The following WRAP73 variants were observed in gnomAD, a reference collection of about 807,000 sequenced individuals.
WRAP73 encodes WD repeat-containing protein WRAP73.
Under a neutral mutation model 59.6 loss-of-function variants are expected in WRAP73, and 55 were observed. The observed-to-expected ratio is 0.92, with a 90% CI of 0.74 to 1.15. The LOEUF (loss-of-function observed/expected upper bound fraction) is 1.15. WRAP73 is among the 50% of genes most tolerant of loss of function. The pLI, the probability that WRAP73 is intolerant of heterozygous loss-of-function variation, is 0.00. For missense variants in WRAP73, 592 were observed against 608.1 expected, an observed-to-expected ratio of 0.97 and a Z score of 0.28; for synonymous variants, 265 against 258.2, an observed-to-expected ratio of 1.03 and a Z score of -0.25.
In WRAP73 at chr1:3,646,423, T is replaced by G. The variant is rs963278839; in HGVS notation, c.339+243A>C. Among the ~76,000 whole-genome samples, 3 of 152,242 alleles carry G rather than the reference T, an allele frequency of 2.0e-5. No individual in the cohort carries two copies. Among genetic ancestry groups the G allele is most frequent in the Non-Finnish European group, 4.4e-5 (3 of 68,046 alleles). On this transcript the variant is annotated intron_variant, in intron 3 of 11. Coordinates refer to ENST00000270708, the MANE Select transcript of WRAP73 (RefSeq NM_017818.4). The surrounding 1 kb of genome is among the most constrained non-coding windows in gnomAD (Gnocchi z 5.1). ...TATCCTTGTTCTATACTATGATTGT[T>G]GCTAATCTCTTACTGTATCTAATTT...
chr1:3,641,256 A>G (rs1202509198), intron 3 of WRAP73, among the ~76,000 whole-genome samples: 1 of 147,598 alleles, frequency 6.8e-6, no homozygotes. Context: ...CTGAAGACGG[A>G]AGGAACGGGC....
chr1:3,634,885 G>A, intron 8 of WRAP73, 112 bp downstream of exon 8: 2 of 1,276,126 alleles, frequency 1.6e-6, no homozygotes, highest in Non-Finnish European at 2.3e-6. Flanking sequence ...TTACGGTGAT[G>A]GAAGTGCCCG....
In WRAP73 at chr1:3,636,798, C is replaced by T. The variant is rs187178527; in HGVS notation, c.516+197G>A. On this transcript the variant is annotated intron_variant, in intron 5 of 11. Transcript: ENST00000270708. ...TTCACTTTTAAAACACCTGGGCACG[C>T]GTCCTTTTCACCAAGTCTCCTGAAC... The T allele has an allele frequency of 2.7e-5, 18 of 674,256 alleles. 1 individual carries two copies. The highest frequency in any genetic ancestry group is 2.6e-4 in the Middle Eastern group (1 of 3,786). The allele number at this position is 674,256 out of a possible 1,614,324, so 41.8% of individuals were successfully genotyped here. A position where few individuals can be genotyped will look rare whatever the true frequency, so the allele number is the denominator to read the frequency against.
Position 3,630,904 on chromosome 1 carries a change from G to A in WRAP73, c.*71C>T. ...GACCACCACAGTGGAGAACCTCCTG[G>A]TGAAGCTGTGTTTTTTCCCACACTG... On this transcript the variant is annotated 3_prime_UTR_variant, in exon 12 of 12. Coordinates refer to ENST00000270708, the MANE Select transcript of WRAP73 (RefSeq NM_017818.4). 6.4e-7 allele frequency: 1 copy of A among 1,552,304 alleles called. No homozygotes were observed. The highest frequency in any genetic ancestry group is 8.7e-7 in the Non-Finnish European group (1 of 1,145,846).
intron 1 of WRAP73, 66 bp downstream of exon 1, chr1:3,649,865 G>A: frequency 6.5e-7 from 1 of 1,528,394 alleles, no homozygotes; most frequent in South Asian, 1.2e-5. Flanking sequence ...GCCGCCCCCG[G>A]CCCTGCCCGC....
chr1:3,631,367 C>T (rs1156329439), intron 11 of WRAP73, 99 bp downstream of exon 11: 5 of 1,456,760 alleles, frequency 3.4e-6, no homozygotes, highest in Non-Finnish European at 4.7e-6. Flanking sequence ...CCCTGGAGTG[C>T]TGCCGGAGAC....
At chr1:3,633,290 GAA>G (rs1288763093) in intron 9 of WRAP73, 106 bp downstream of exon 9, 2 of 1,173,848 alleles carry the variant, frequency 1.7e-6, no homozygotes, top group Admixed American at 1.9e-5. Flanking sequence ...GCATGGAAGG[GAA>G]AAAAAGTTTT....
intron 8 of WRAP73, chr1:3,634,658 C>A (rs925224512): frequency 1.8e-5 from 6 of 339,868 alleles, no homozygotes. Flanking sequence ...CCTGGCACGA[C>A]AGCAGATGCC....
At chr1:3,634,542 C>T (rs1411233866) in intron 8 of WRAP73, 6 of 195,176 alleles carry the variant, frequency 3.1e-5, no homozygotes, top group Non-Finnish European at 6.5e-5. Flanking sequence ...TCCCTGCCAC[C>T]CCGTGGAGAC....
chr1:3,631,206 G>C, intron 11 of WRAP73, 89 bp from the exon 12 acceptor site: 1 of 1,567,478 alleles, frequency 6.4e-7, no homozygotes, highest in Non-Finnish European at 8.7e-7. Context: ...GGCCAGCACA[G>C]TGCCTGGAGT....
intron 3 of WRAP73, among the ~76,000 whole-genome samples, chr1:3,643,390 G>A (rs1173644579): frequency 1.3e-5 from 2 of 152,246 alleles, no homozygotes; most frequent in African/African-American, 2.4e-5. Context: ...CTCTGAAAGC[G>A]CGGCAGTGTT....
At chr1:3,636,723 G>A (rs763507007) in intron 5 of WRAP73, 23 of 483,384 alleles carry the variant, frequency 4.8e-5, no homozygotes, top group African/African-American at 2.1e-4. Flanking sequence ...ACACACATGC[G>A]CAAACACCAT....
chr1:3,647,617 T>A lies in WRAP73; in HGVS notation c.70-57A>T, dbSNP rs1644704533. ...TTCTCCACTCCAAAAGAGGGGGGCC[T>A]TCGGAATGCTACTGCCCTGGCCTTC... is the stretch of plus-strand genomic sequence containing the variant. On this transcript the variant is annotated intron_variant, in intron 1 of 11. Coordinates refer to ENST00000270708, the MANE Select transcript of WRAP73 (RefSeq NM_017818.4). 11 of 1,579,244 alleles carry A rather than the reference T, an allele frequency of 7.0e-6. No individual in the cohort carries two copies. The East Asian group carries it at 2.5e-4, about 36-fold the overall frequency.
intron 9 of WRAP73, 172 bp from the exon 10 acceptor site, chr1:3,632,510 G>A (rs988474688): frequency 1.3e-5 from 13 of 1,036,958 alleles, no homozygotes; most frequent in Middle Eastern, 3.2e-4. Flanking sequence ...CAGCCGCAGC[G>A]AGGGGCCTGC....
At chr1:3,641,052 A>G (rs980413009) in intron 3 of WRAP73, among the ~76,000 whole-genome samples, 9 of 152,254 alleles carry the variant, frequency 5.9e-5, no homozygotes, top group Non-Finnish European at 1.2e-4. Flanking sequence ...CCAATAAGAA[A>G]AAAAGGTAGT....
chr1:3,650,047 A>G lies in WRAP73; in HGVS notation c.-48T>C. ...CACCCTGCGCCCGAAAACCCGCGGG[A>G]CCCCTGGGCGCGCAGCAGGCTGCAA... On this transcript the variant is annotated 5_prime_UTR_variant, in exon 1 of 12. Transcript: ENST00000270708. 1 of 1,528,292 alleles carries G rather than the reference A, an allele frequency of 6.5e-7. No individual in the cohort carries two copies. Among genetic ancestry groups the G allele is most frequent in the South Asian group, 1.2e-5 (1 of 82,824 alleles). The allele number at this position is 1,528,292 out of a possible 1,614,324, so 94.7% of individuals were successfully genotyped here.
chr1:3,649,320 C>T (rs1226047475), intron 1 of WRAP73, among the ~76,000 whole-genome samples: 1 of 152,172 alleles, frequency 6.6e-6, no homozygotes, highest in East Asian at 1.9e-4. Flanking sequence ...GGATAGAATA[C>T]TAGTATTTAA....
In WRAP73 at chr1:3,639,066, A is replaced by T. The variant is rs1570301966; in HGVS notation, c.340-244T>A. On this transcript the variant is annotated intron_variant, in intron 3 of 11. Coordinates refer to ENST00000270708, the MANE Select transcript of WRAP73 (RefSeq NM_017818.4). The surrounding 1 kb of genome is among the most constrained non-coding windows in gnomAD (Gnocchi z 4.3). ...TTTTATACCAAAATTGAGTGACACA[A>T]AGTTAAATCCAAGTGCTTTTTCATT... The T allele has an allele frequency of 4.0e-6, 2 of 499,758 alleles. No homozygotes were observed. The highest frequency in any genetic ancestry group is 7.0e-6 in the Non-Finnish European group (2 of 284,312). 31.0% of individuals were successfully genotyped at this position (499,758 alleles called of 1,614,324 possible).
chr1:3,633,809 C>T, intron 8 of WRAP73: 1 of 315,508 alleles, frequency 3.2e-6, no homozygotes, highest in Non-Finnish European at 5.9e-6. Context: ...TGGGCTCAGC[C>T]TTCCCTCCGT....
Sources: allele counts gnomAD v4.1 joint callset (sites outside exome capture counted in the v4.1 genomes callset), GRCh38; gene constraint gnomAD v4.1.1; non-coding constraint Gnocchi (gnomAD v3.1); transcripts MANE v1.5; gene names NCBI Gene and HGNC (gene_info 2026-07-23, HGNC 2026-07-21).